The following HYDIN variants were observed in gnomAD, a reference collection of about 807,000 sequenced individuals.
HYDIN encodes the protein HYDIN axonemal central pair apparatus protein.
A neutral mutation model predicts 403.9 loss-of-function variants in HYDIN; 132 were observed. The ratio of observed to expected loss-of-function variants is 0.33; its 90% CI spans 0.28 to 0.38. HYDIN has a LOEUF of 0.38. HYDIN is among the 10% of genes least tolerant of loss of function. The probability of loss-of-function intolerance (pLI) is 1.00; values close to 1 mark genes in which losing one functional copy is unlikely to be tolerated. For synonymous variants in HYDIN, 1,202 were observed against 1,891.7 expected, an observed-to-expected ratio of 0.64 and a Z score of 9.46; for missense variants, 2,827 against 5,009.5, an observed-to-expected ratio of 0.56 and a Z score of 13.15.
intron 84 of HYDIN, chr16:70,817,054 C>T (rs200207508): frequency 3.4e-4 from 45 of 133,198 alleles, no homozygotes; most frequent in Non-Finnish European, 4.5e-4. Context: ...AGAGACAGTA[C>T]GAGAGAGGAA....
chr16:70,909,637 C>T (rs2076634706), intron 47 of HYDIN, among the ~76,000 whole-genome samples: 1 of 146,034 alleles, frequency 6.8e-6, no homozygotes, highest in South Asian at 2.2e-4. Flanking sequence ...TCCACACTAT[C>T]GTTCTGGCAC....
intron 75 of HYDIN, among the ~76,000 whole-genome samples, chr16:70,843,077 A>C (rs2037943811): frequency 6.6e-6 from 1 of 150,982 alleles, no homozygotes; most frequent in Admixed American, 6.6e-5. Context: ...GTTTTAGGGT[A>C]CATGTGCACA....
chr16:70,882,986 G>C, intron 59 of HYDIN, 91 bp from the exon 60 acceptor site: 12 of 1,001,918 alleles, frequency 1.2e-5, no homozygotes, highest in Non-Finnish European at 1.7e-5. Flanking sequence ...TTCTCACAAA[G>C]GAGAATTGTG....
chr16:70,947,321 T>C (rs1235916515), intron 41 of HYDIN, among the ~76,000 whole-genome samples: 2 of 151,300 alleles, frequency 1.3e-5, no homozygotes, highest in Non-Finnish European at 3.0e-5. Flanking sequence ...TCTTTGGTTC[T>C]GTTTATATGC....
intron 53 of HYDIN, among the ~76,000 whole-genome samples, chr16:70,899,734 C>T (rs935523604): frequency 1.2e-3 from 188 of 152,270 alleles, no homozygotes; most frequent in Middle Eastern, 6.8e-3. Context: ...GGATGGAAGA[C>T]GGGGTGGGTT....
intron 24 of HYDIN, 109 bp downstream of exon 24, chr16:70,991,961 T>G (rs2079367241): frequency 6.4e-7 from 1 of 1,559,298 alleles, no homozygotes; most frequent in African/African-American, 1.4e-5. Flanking sequence ...ATTAAACTGT[T>G]GACTGGGTAC....
At chr16:71,214,395 G>T (rs2088764987) in intron 1 of HYDIN, among the ~76,000 whole-genome samples, 1 of 152,178 alleles carries the variant, frequency 6.6e-6, no homozygotes, top group African/African-American at 2.4e-5. Flanking sequence ...GACTTGACAT[G>T]CTGAGTCTAA....
At chr16:70,948,255 T>C (rs1227549246) in intron 41 of HYDIN, among the ~76,000 whole-genome samples, 11 of 150,106 alleles carry the variant, frequency 7.3e-5, no homozygotes, top group African/African-American at 2.5e-4. Flanking sequence ...GCTAGCCATA[T>C]GTAGAAAGCT....
intron 41 of HYDIN, among the ~76,000 whole-genome samples, chr16:70,950,684 T>G: frequency 6.6e-6 from 1 of 151,930 alleles, no homozygotes; most frequent in Non-Finnish European, 1.5e-5. Flanking sequence ...CTCCTACCAG[T>G]ACTTTCACTT....
chr16:71,171,852 A>T (rs556325151), intron 5 of HYDIN, among the ~76,000 whole-genome samples: 1 of 152,316 alleles, frequency 6.6e-6, no homozygotes, highest in Non-Finnish European at 1.5e-5. Context: ...ATTTTCTTAG[A>T]TTAACTTTTA....
intron 5 of HYDIN, among the ~76,000 whole-genome samples, chr16:71,163,513 T>C (rs1261712394): frequency 6.6e-6 from 1 of 152,152 alleles, no homozygotes; most frequent in African/African-American, 2.4e-5. Context: ...CCACTCCACT[T>C]GCTTTCAGCA....
rs556708467 is a variant in HYDIN at position 71,090,724 on chromosome 16, T to C, written c.1447-2200A>G. ...CTTTCTGTATTGCCCAGGCTGGTCT[T>C]GAACTCCTGGGCTCAAGCGATCCTT... is the stretch of plus-strand genomic sequence containing the variant. On this transcript the variant is annotated intron_variant, in intron 11 of 85. Coordinates refer to ENST00000393567, the MANE Select transcript of HYDIN (RefSeq NM_001270974.2). 2.0e-5 allele frequency among the ~76,000 whole-genome samples: 3 copies of C among 152,190 alleles called. No homozygotes were observed. In the East Asian group the frequency reaches 5.8e-4, roughly 30 times the overall value.
At chr16:70,854,382 G>C (rs1189335802) in intron 73 of HYDIN, among the ~76,000 whole-genome samples, 9 of 147,722 alleles carry the variant, frequency 6.1e-5, no homozygotes, top group Non-Finnish European at 3.0e-5. Context: ...TTACAGGTGT[G>C]TGCCACCACA....
At chr16:71,089,691 G>A (rs1346767042) in intron 11 of HYDIN, among the ~76,000 whole-genome samples, 2 of 152,110 alleles carry the variant, frequency 1.3e-5, no homozygotes, top group East Asian at 1.9e-4. Flanking sequence ...GGGCATGACT[G>A]CAGAATCCAG....
chr16:70,998,501 T>G (rs2079600573), intron 23 of HYDIN, among the ~76,000 whole-genome samples: 1 of 145,742 alleles, frequency 6.9e-6, no homozygotes, highest in Non-Finnish European at 1.5e-5. Flanking sequence ...CCATTGTTCC[T>G]AATTTATAAT....
rs574301926 is a variant in HYDIN at position 71,088,491 on chromosome 16, G to C, written c.1480C>G (p.Leu494Val). Residue 494 changes from leucine to valine, a missense_variant, in exon 12 of 86, where the codon CTC (leucine) becomes GTC (valine). Transcript: ENST00000393567. ...ILYNKGSIDALFNMTPPTSAL... is the reference protein window; with the variant it reads ...ILYNKGSIDAVFNMTPPTSAL... ...GAAGTTGGAGGGGTCATGTTGAAGA[G>C]AGCATCGATGCTGCCTTTGTTGTAC... 190 of 692,312 alleles carry C rather than the reference G, an allele frequency of 2.7e-4. 2 individuals are homozygous for C. The highest frequency in any genetic ancestry group is 2.1e-3 in the South Asian group (113 of 53,210). 42.9% of individuals were successfully genotyped at this position (692,312 alleles called of 1,614,324 possible).
intron 1 of HYDIN, among the ~76,000 whole-genome samples, chr16:71,206,074 A>G (rs1598028757): frequency 6.6e-6 from 1 of 151,988 alleles, no homozygotes; most frequent in African/African-American, 2.4e-5. Flanking sequence ...TGGCAATCCT[A>G]CCCACCCCAA....
intron 37 of HYDIN, among the ~76,000 whole-genome samples, chr16:70,963,280 T>C (rs2078475731): frequency 6.6e-6 from 1 of 151,670 alleles, no homozygotes; most frequent in African/African-American, 2.4e-5. Context: ...CAGTGGGTCC[T>C]TGTGATGGGC....
intron 9 of HYDIN, among the ~76,000 whole-genome samples, chr16:71,125,167 C>G (rs1303968345): frequency 2.0e-5 from 3 of 152,130 alleles, no homozygotes; most frequent in Non-Finnish European, 4.4e-5. Context: ...TGGAGGCCCT[C>G]TTCAGCCCTC....
Sources: allele counts gnomAD v4.1 joint callset (sites outside exome capture counted in the v4.1 genomes callset), GRCh38; gene constraint gnomAD v4.1.1; transcripts MANE v1.5; gene names NCBI Gene and HGNC (gene_info 2026-07-23, HGNC 2026-07-21).